Variants in SLC16A10 observed in about 807,000 individuals in gnomAD.
The protein encoded by SLC16A10 is solute carrier family 16 member 10, also known as monocarboxylate transporter 10.
In SLC16A10, 27 loss-of-function variants were observed where a neutral mutation model predicts 40.0. The observed-to-expected ratio is 0.67, with a 90% confidence interval of 0.50 to 0.93. SLC16A10 has a LOEUF of 0.93. Among genes scored for constraint, SLC16A10 ranks in the 40% least tolerant of loss-of-function variants. The pLI, the probability that SLC16A10 is intolerant of heterozygous loss-of-function variation, is 0.00. For synonymous variants in SLC16A10, 213 were observed against 249.8 expected (o/e 0.85, Z 1.39); for missense variants, 529 against 658.2 (o/e 0.80, Z 2.15).
intron 1 of SLC16A10, among the ~76,000 whole-genome samples, chr6:111,109,217 C>T (rs1187178504): frequency 1.3e-5 from 2 of 152,130 alleles, no homozygotes; most frequent in Non-Finnish European, 2.9e-5. Context: ...CCTCGTGATC[C>T]TTTTTGCAGT....
intron 1 of SLC16A10, among the ~76,000 whole-genome samples, chr6:111,097,167 A>G (rs1771088532): frequency 6.6e-6 from 1 of 152,068 alleles, no homozygotes; most frequent in Non-Finnish European, 1.5e-5. Context: ...TGATAAACAT[A>G]AAAGTCTCAT....
At position 111,227,117 on chromosome 6, in the gene SLC16A10, CCTTGT is replaced by C. The variant is rs1771013442; in HGVS notation, c.*4885_*4889del. The C allele has an allele frequency of 6.6e-6, 1 of 152,200 alleles. No individual in the cohort carries two copies. Among genetic ancestry groups the C allele is most frequent in the South Asian group, 2.1e-4 (1 of 4,822 alleles). The allele number at this position is 152,200 out of a possible 1,614,324, so 9.4% of individuals were successfully genotyped here. ...CTCCAGCCTGGGTGACAAAATGAGA[CCTTGT>C]CTACAAAAAGGAAAAAAAAATTTGT... is the stretch of plus-strand genomic sequence containing the variant. On this transcript the variant is annotated 3_prime_UTR_variant, in exon 6 of 6. Transcript: ENST00000368851.
intron 1 of SLC16A10, among the ~76,000 whole-genome samples, chr6:111,090,561 T>A (rs1770956939): frequency 6.6e-6 from 1 of 152,170 alleles, no homozygotes; most frequent in African/African-American, 2.4e-5. Context: ...TACAAGATAG[T>A]CTTTAAGCCA....
intron 5 of SLC16A10, among the ~76,000 whole-genome samples, chr6:111,221,736 A>T (rs1770897284): frequency 6.7e-6 from 1 of 150,144 alleles, no homozygotes; most frequent in Admixed American, 6.7e-5. Context: ...ACACAGTGAG[A>T]CCCTGTCTCA....
At chr6:111,129,614 G>A (rs1052855501) in intron 1 of SLC16A10, among the ~76,000 whole-genome samples, 3 of 152,150 alleles carry the variant, frequency 2.0e-5, no homozygotes, top group African/African-American at 7.2e-5. Flanking sequence ...TTTTACATTT[G>A]TATAACTGTA....
At chr6:111,197,829 T>G (rs182648428) in intron 3 of SLC16A10, among the ~76,000 whole-genome samples, 1 of 152,050 alleles carries the variant, frequency 6.6e-6, no homozygotes, top group Non-Finnish European at 1.5e-5. Flanking sequence ...CAATCTCTAG[T>G]GAACACAAGC....
intron 4 of SLC16A10, 35 bp downstream of exon 4, chr6:111,206,770 T>TTACTCTCA (rs749263323): frequency 6.2e-7 from 1 of 1,602,398 alleles, no homozygotes; most frequent in Non-Finnish European, 8.5e-7. Context: ...CTATCAAAAA[T>TTACTCTCA]TACTCTCATC....
Position 111,178,432 on chromosome 6 carries a change from G to A in SLC16A10, c.942+767G>A, listed in dbSNP as rs182864595. The stretch of plus-strand genomic sequence containing the variant: ...ATTCAGCTTTGTTATACTGAAATAC[G>A]AATAATTAATGTCTAGACTGGGGTT... On this transcript the variant is annotated intron_variant, in intron 3 of 5. Coordinates refer to ENST00000368851, the MANE Select transcript of SLC16A10 (RefSeq NM_018593.5). 272 of 531,912 alleles carry A rather than the reference G, an allele frequency of 5.1e-4. 1 individual carries two copies. The highest frequency in any genetic ancestry group is 4.7e-3 in the African/African-American group (243 of 51,890). 32.9% of individuals were successfully genotyped at this position (531,912 alleles called of 1,614,324 possible). A position where few individuals can be genotyped will look rare whatever the true frequency, so the allele number is the denominator to read the frequency against.
intron 1 of SLC16A10, among the ~76,000 whole-genome samples, chr6:111,127,602 T>C (rs1017925745): frequency 6.6e-6 from 1 of 152,244 alleles, no homozygotes; most frequent in Non-Finnish European, 1.5e-5. Flanking sequence ...TAGAATCTTA[T>C]GTGACATACA....
Position 111,087,665 on chromosome 6 carries a change from C to A in SLC16A10, c.-88C>A. 1 of 799,602 alleles carries A rather than the reference C, an allele frequency of 1.3e-6. No homozygotes were observed. Among genetic ancestry groups the A allele is most frequent in the Non-Finnish European group, 1.6e-6 (1 of 606,784 alleles). 49.5% of individuals were successfully genotyped at this position (799,602 alleles called of 1,614,324 possible). ...CGCCCTCGCCTCGGCCTCGTTAGCCCGCCAGGAGCCCCGCAGCTCCTCCGG... is the reference window on the plus strand; with the variant it reads ...CGCCCTCGCCTCGGCCTCGTTAGCCAGCCAGGAGCCCCGCAGCTCCTCCGG... On this transcript the variant is annotated 5_prime_UTR_variant, in exon 1 of 6. Transcript: ENST00000368851.
intron 4 of SLC16A10, among the ~76,000 whole-genome samples, chr6:111,207,889 T>C (rs932805274): frequency 1.3e-5 from 2 of 152,136 alleles, no homozygotes; most frequent in African/African-American, 4.8e-5. Flanking sequence ...GTTATGTACA[T>C]GAGCTCTATC....
intron 1 of SLC16A10, among the ~76,000 whole-genome samples, chr6:111,160,591 C>T (rs1772352367): frequency 6.6e-6 from 1 of 152,244 alleles, no homozygotes; most frequent in African/African-American, 2.4e-5. Context: ...TCACTTGGTC[C>T]ACCTGTGCTA....
chr6:111,164,407 G>C (rs1023890368), intron 1 of SLC16A10, among the ~76,000 whole-genome samples: 1 of 152,124 alleles, frequency 6.6e-6, no homozygotes, highest in Non-Finnish European at 1.5e-5. Context: ...ACTCTGGTGT[G>C]CTATTGGTAA....
chr6:111,217,484 C>G (rs913814633), intron 4 of SLC16A10, among the ~76,000 whole-genome samples: 1 of 152,290 alleles, frequency 6.6e-6, no homozygotes, highest in East Asian at 1.9e-4. Context: ...GAGTCTCGCT[C>G]TGTCGCCCAG....
At chr6:111,191,036 T>C (rs1032477586) in intron 3 of SLC16A10, among the ~76,000 whole-genome samples, 3 of 152,260 alleles carry the variant, frequency 2.0e-5, no homozygotes, top group Non-Finnish European at 4.4e-5. Flanking sequence ...TTTATTATTA[T>C]ACTTTAAGTT....
chr6:111,189,290 A>T (rs1461516876), intron 3 of SLC16A10, among the ~76,000 whole-genome samples: 1 of 152,232 alleles, frequency 6.6e-6, no homozygotes, highest in Non-Finnish European at 1.5e-5. Context: ...TAGTAAGTAC[A>T]TCCTTTGGGT....
At chr6:111,178,560 A>G in intron 3 of SLC16A10, 1 of 341,136 alleles carries the variant, frequency 2.9e-6, no homozygotes, top group Non-Finnish European at 5.7e-6. Context: ...GGGGAAGGAA[A>G]AAAAAAAAAG....
At chr6:111,106,806 C>T (rs555006154) in intron 1 of SLC16A10, among the ~76,000 whole-genome samples, 1 of 152,316 alleles carries the variant, frequency 6.6e-6, no homozygotes, top group East Asian at 1.9e-4. Context: ...GTTTATGGAA[C>T]AACAGTGAAA....
At chr6:111,131,190 CT>C (rs1771775492) in intron 1 of SLC16A10, among the ~76,000 whole-genome samples, 1 of 152,252 alleles carries the variant, frequency 6.6e-6, no homozygotes, top group Non-Finnish European at 1.5e-5. Flanking sequence ...ACTTCCACCC[CT>C]CTGGATCCGG....
Sources: gnomAD v4.1 joint callset for allele counts (sites outside exome capture counted in the v4.1 genomes callset) on GRCh38, gnomAD v4.1.1 for gene constraint, MANE v1.5 for transcripts, NCBI Gene and HGNC (gene_info 2026-07-23, HGNC 2026-07-21) for gene names.